The following IFT140 variants were observed in gnomAD, a reference collection of about 807,000 sequenced individuals.
The protein encoded by IFT140 is intraflagellar transport 140.
In IFT140, 133 loss-of-function variants were observed where a neutral mutation model predicts 164.6. The observed-to-expected ratio is 0.81, with a 90% CI of 0.70 to 0.93. The LOEUF (loss-of-function observed/expected upper bound fraction) is 0.93, where lower values mean the gene tolerates loss of function less well. Among genes scored for constraint, IFT140 ranks in the 40% least tolerant of loss-of-function variants. IFT140 has a pLI of 0.00. For synonymous variants in IFT140, 860 were observed against 817.3 expected (o/e 1.05, Z -0.89); for missense variants, 2,045 against 1,972.3 (o/e 1.04, Z -0.70).
At chr16:1,592,043 C>T (rs931994992) in intron 6 of IFT140, 133 bp downstream of exon 6, 5 of 977,834 alleles carry the variant, frequency 5.1e-6, no homozygotes, top group Admixed American at 2.3e-5. Flanking sequence ...GCCTGGCACA[C>T]GTCATCTTTC....
chr16:1,549,533 G>C (rs1273390612), intron 19 of IFT140, among the ~76,000 whole-genome samples: 1 of 152,246 alleles, frequency 6.6e-6, no homozygotes, highest in Non-Finnish European at 1.5e-5. Context: ...CCGGGTTCAA[G>C]AAATTCTCCT....
At position 1,518,231 on chromosome 16, in the gene IFT140, CTTCCGCACGTAGTGCTCCACCAG is replaced by C; in HGVS notation, c.4144_4166del (p.Leu1382GlyfsTer71). ...CAGGCCTCACCGTCTGGTATTCCTC[CTTCCGCACGTAGTGCTCCACCAG>C]GAAGCCATAGACGTCCCCGATGCGG... On this transcript the variant is annotated frameshift_variant, in exon 30 of 31. Coordinates refer to ENST00000426508, the MANE Select transcript of IFT140 (RefSeq NM_014714.4). LOFTEE classifies it low-confidence loss of function (END_TRUNC). 1 of 1,613,660 alleles carries C rather than the reference CTTCCGCACGTAGTGCTCCACCAG, an allele frequency of 6.2e-7. No individual in the cohort carries two copies. The highest frequency in any genetic ancestry group is 8.5e-7 in the Non-Finnish European group (1 of 1,179,950).
At chr16:1,542,547 G>A (rs1382225805) in intron 19 of IFT140, among the ~76,000 whole-genome samples, 9 of 152,240 alleles carry the variant, frequency 5.9e-5, no homozygotes, top group Non-Finnish European at 1.0e-4. Context: ...GGCCTAGGAA[G>A]GCCAAGGCAT....
At chr16:1,602,636 GCTA>G in intron 3 of IFT140, 45 bp from the exon 4 acceptor site, 1 of 1,565,284 alleles carries the variant, frequency 6.4e-7, no homozygotes, top group Non-Finnish European at 8.7e-7. Flanking sequence ...GAGAGGGACA[GCTA>G]CTTTTAAGAA....
rs897743037 is a variant in IFT140, at chr16:1,511,236, C to T, written c.4183-86G>A. The stretch of plus-strand genomic sequence containing the variant: ...TGCAGGCCAGGCACGTGCTGCTGCC[C>T]CTGGAGGCGGGTGGGGGTGCCTCCG... On this transcript the variant is annotated intron_variant, in intron 30 of 30. Transcript: ENST00000426508. The T allele has an allele frequency of 1.8e-5, 24 of 1,341,464 alleles. No individual in the cohort carries two copies. In the South Asian group the frequency reaches 3.0e-4, roughly 17 times the overall value. 83.1% of individuals were successfully genotyped at this position (1,341,464 alleles called of 1,614,324 possible).
chr16:1,555,899 C>T (rs566228209), intron 19 of IFT140, among the ~76,000 whole-genome samples: 18 of 152,140 alleles, frequency 1.2e-4, no homozygotes, highest in Non-Finnish European at 2.2e-4. Flanking sequence ...GTCAGGAGTT[C>T]GAGAGCAGCC....
At chr16:1,604,274 CGTGTGTGTGTGTGTGTGT>C (rs377259663) in intron 3 of IFT140, 6 of 129,870 alleles carry the variant, frequency 4.6e-5, no homozygotes, top group African/African-American at 1.2e-4. Flanking sequence ...GCTGCAAGGG[CGTGTGTGTGTGTGTGTGT>C]GTGTGTGTGT....
intron 19 of IFT140, chr16:1,557,670 T>C (rs1196953115): frequency 1.0e-5 from 5 of 487,104 alleles, no homozygotes; most frequent in African/African-American, 3.9e-5. Flanking sequence ...ATGGGTATTA[T>C]AGATGTTTAG....
At chr16:1,524,975 C>T in intron 22 of IFT140, 59 bp from the exon 23 acceptor site, 3 of 1,489,080 alleles carry the variant, frequency 2.0e-6, no homozygotes, top group Non-Finnish European at 2.7e-6. Flanking sequence ...CCCGGGACGG[C>T]CCCCACCCCG....
intron 2 of IFT140, chr16:1,610,228 C>G (rs2036266556): frequency 6.5e-6 from 1 of 154,948 alleles, no homozygotes; most frequent in Non-Finnish European, 1.5e-5. Flanking sequence ...TCGCTGCATC[C>G]AGCGGACGGT....
In IFT140 at chr16:1,510,876, A is replaced by C; in HGVS notation, c.*68T>G. The stretch of plus-strand genomic sequence containing the variant: ...TCCCAGCAAAAATGCTGGCTTTGCC[A>C]CAGCTGACAAAAAAATTCCAGAAGA... On this transcript the variant is annotated 3_prime_UTR_variant, in exon 31 of 31. Transcript: ENST00000426508. The C allele has an allele frequency of 1.4e-6, 2 of 1,415,542 alleles. No homozygotes were observed. Among genetic ancestry groups the C allele is most frequent in the Non-Finnish European group, 2.0e-6 (2 of 1,019,810 alleles). 87.7% of individuals were successfully genotyped at this position (1,415,542 alleles called of 1,614,324 possible).
intron 19 of IFT140, among the ~76,000 whole-genome samples, chr16:1,544,402 G>A (rs1372109601): frequency 1.3e-5 from 2 of 151,934 alleles, no homozygotes; most frequent in East Asian, 3.9e-4. Flanking sequence ...CGCCAGGATG[G>A]TCTCGATCTC....
At chr16:1,554,199 C>A in intron 19 of IFT140, 1 of 1,144,216 alleles carries the variant, frequency 8.7e-7, no homozygotes, top group South Asian at 1.3e-5. Flanking sequence ...GAGCTGCAGA[C>A]TCCAGGCCAT....
chr16:1,511,245 G>T (rs551514795), intron 30 of IFT140, 95 bp from the exon 31 acceptor site: 8 of 1,192,932 alleles, frequency 6.7e-6, no homozygotes, highest in African/African-American at 3.0e-5. Context: ...CCCTGGAGGC[G>T]GGTGGGGGTG....
intron 1 of IFT140, among the ~76,000 whole-genome samples, chr16:1,611,556 T>C (rs1055817435): frequency 7.3e-5 from 11 of 150,404 alleles, no homozygotes; most frequent in African/African-American, 2.7e-4. Context: ...GGCTCACGCC[T>C]GCAAACCCAG....
intron 19 of IFT140, chr16:1,527,100 G>C (rs2040728075): frequency 2.4e-6 from 1 of 416,390 alleles, no homozygotes; most frequent in Non-Finnish European, 4.3e-6. Context: ...GCGGCTGTCT[G>C]ATCAGGAAAT....
chr16:1,599,784 TG>T (rs2035687719), intron 4 of IFT140, among the ~76,000 whole-genome samples: 1 of 32,674 alleles, frequency 3.1e-5, no homozygotes, highest in Non-Finnish European at 5.1e-5. Flanking sequence ...GAGGTGGGGG[TG>T]TCAGCCCCCC....
At position 1,589,680 on chromosome 16, in the gene IFT140, C is replaced by T. The variant is rs752958046; in HGVS notation, c.735G>A (p.Leu245=). 1 of 1,614,166 alleles carries T rather than the reference C, an allele frequency of 6.2e-7. No individual in the cohort carries two copies. The highest frequency in any genetic ancestry group is 1.1e-5 in the South Asian group (1 of 91,080). The change falls in exon 7 of 31, where the codon CTG becomes CTA. Residue 245 remains leucine (L), a synonymous_variant. Coordinates refer to ENST00000426508, the MANE Select transcript of IFT140 (RefSeq NM_014714.4). Reference sequence around the variant, plus strand: ...GCCGGAGGTTCTCTGTGACCACCACCAGTGCCTCCCTCTTCTCCATGTAGA... The same window carrying T: ...GCCGGAGGTTCTCTGTGACCACCACTAGTGCCTCCCTCTTCTCCATGTAGA... ...MLFYMEKREA[L]VVVTENLRLS...
chr16:1,600,548 A>C (rs1407050753), intron 4 of IFT140, among the ~76,000 whole-genome samples: 1 of 152,198 alleles, frequency 6.6e-6, no homozygotes, highest in Non-Finnish European at 1.5e-5. Context: ...CAAAAGATTG[A>C]AAACCACCAA....
Sources: allele counts gnomAD v4.1 joint callset (sites outside exome capture counted in the v4.1 genomes callset), GRCh38; gene constraint gnomAD v4.1.1; transcripts MANE v1.5; gene names NCBI Gene and HGNC (gene_info 2026-07-23, HGNC 2026-07-21).